The following TPD52L1 variants were observed in gnomAD, a reference collection of about 807,000 sequenced individuals.
TPD52L1 encodes TPD52 like 1, also known as tumor protein D53.
A neutral mutation model predicts 28.7 loss-of-function variants in TPD52L1; 18 were observed. The ratio of observed to expected loss-of-function variants is 0.63; its 90% CI spans 0.43 to 0.93. The LOEUF is 0.93. Among genes scored for constraint, TPD52L1 ranks in the 40% least tolerant of loss-of-function variants. The pLI, the probability that TPD52L1 is intolerant of heterozygous loss-of-function variation, is 0.00. For synonymous variants in TPD52L1, 75 were observed against 88.8 expected, an observed-to-expected ratio of 0.84 and a Z score of 0.88; for missense variants, 203 against 254.8, an observed-to-expected ratio of 0.80 and a Z score of 1.39.
chr6:125,172,537 T>TATATATAATATATATATATATA lies in TPD52L1; in HGVS notation c.19+18574_19+18575insATATATATATATATAATATATA, dbSNP rs1562214480. On this transcript the variant is annotated intron_variant, in intron 1 of 6. Transcript: ENST00000534000. ...CTATATATATATATATATATATATA[T>TATATATAATATATATATATATA]ATATATATATATATAATATATATAC... is the stretch of plus-strand genomic sequence containing the variant. Among the ~76,000 whole-genome samples, 116 of 88,864 alleles carry TATATATAATATATATATATATA rather than the reference T, an allele frequency of 1.3e-3. 7 individuals are homozygous for TATATATAATATATATATATATA. The highest frequency in any genetic ancestry group is 5.2e-3 in the African/African-American group (104 of 19,946). 58.3% of individuals were successfully genotyped at this position (88,864 alleles called of 152,430 possible). A position where few individuals can be genotyped will look rare whatever the true frequency, so the allele number is the denominator to read the frequency against.
chr6:125,221,086 A>C (rs918218199), intron 2 of TPD52L1, among the ~76,000 whole-genome samples: 1 of 152,048 alleles, frequency 6.6e-6, no homozygotes, highest in Non-Finnish European at 1.5e-5. Flanking sequence ...TCCACTCTGA[A>C]CTCTGAGTTC....
At chr6:125,178,484 G>A (rs1234952778) in intron 1 of TPD52L1, among the ~76,000 whole-genome samples, 4 of 152,102 alleles carry the variant, frequency 2.6e-5, no homozygotes, top group Admixed American at 1.3e-4. Flanking sequence ...AGCCAGGCGT[G>A]GTGGCACATG....
At chr6:125,205,172 A>G (rs1794038989) in intron 1 of TPD52L1, among the ~76,000 whole-genome samples, 1 of 152,210 alleles carries the variant, frequency 6.6e-6, no homozygotes. Flanking sequence ...GCTAATCACC[A>G]TTGTGTAAAC....
chr6:125,260,665 C>T (rs563457409), intron 6 of TPD52L1, among the ~76,000 whole-genome samples: 30 of 151,696 alleles, frequency 2.0e-4, no homozygotes, highest in Middle Eastern at 3.4e-3. Context: ...ATTTGCTGGG[C>T]ATAATGGTGG....
chr6:125,194,367 G>A (rs962064064), intron 1 of TPD52L1, among the ~76,000 whole-genome samples: 3 of 151,948 alleles, frequency 2.0e-5, no homozygotes, highest in African/African-American at 2.4e-5. Flanking sequence ...GAAATACATC[G>A]CAGCACCAAG....
intron 1 of TPD52L1, among the ~76,000 whole-genome samples, chr6:125,189,257 T>G (rs555633692): frequency 6.6e-6 from 1 of 152,350 alleles, no homozygotes; most frequent in South Asian, 2.1e-4. Flanking sequence ...GTTGGGCATA[T>G]TGACTACTTA....
chr6:125,175,911 A>AT (rs540651025), intron 1 of TPD52L1, among the ~76,000 whole-genome samples: 177 of 139,054 alleles, frequency 1.3e-3, no homozygotes, highest in African/African-American at 4.7e-3. Context: ...CTTACAGACT[A>AT]TCAGCATGAG....
chr6:125,231,883 A>G (rs1795974712), intron 3 of TPD52L1, among the ~76,000 whole-genome samples: 2 of 152,176 alleles, frequency 1.3e-5, no homozygotes, highest in African/African-American at 4.8e-5. Flanking sequence ...TGCCGATCCC[A>G]TAGGTAGTGA....
At position 125,264,404 on chromosome 6, in the gene TPD52L1, CA is replaced by C. The variant is rs1360278256; in HGVS notation, c.*1445del. 5 of 152,168 alleles carry C rather than the reference CA, an allele frequency of 3.3e-5. No individual in the cohort carries two copies. Among genetic ancestry groups the C allele is most frequent in the Non-Finnish European group, 7.3e-5 (5 of 68,036 alleles). The allele number at this position is 152,168 out of a possible 1,614,324, so 9.4% of individuals were successfully genotyped here. On this transcript the variant is annotated 3_prime_UTR_variant, in exon 7 of 7. Transcript: ENST00000534000. ...TAAAGCACATCTGAAAAATTCTACT[CA>C]AATTAATGGAGCATGACAATCTGTG...
chr6:125,260,956 GAAAGAAAGAAAGAAAGAAAGAAAAGAA>G (rs1797919153), intron 6 of TPD52L1: 1 of 42,752 alleles, frequency 2.3e-5, no homozygotes, highest in African/African-American at 2.3e-4. Flanking sequence ...AAGAAAGAAA[GAAAGAAAGAAAGAAAGAAAGAAAAGAA>G]AAGAAAGAAA....
At chr6:125,214,004 G>A (rs1429456577) in intron 1 of TPD52L1, among the ~76,000 whole-genome samples, 4 of 152,144 alleles carry the variant, frequency 2.6e-5, no homozygotes, top group African/African-American at 9.7e-5. Context: ...CAGTCCTTAG[G>A]CCAGAGGAGA....
intron 4 of TPD52L1, among the ~76,000 whole-genome samples, chr6:125,251,221 C>G (rs1011354913): frequency 1.3e-5 from 2 of 151,946 alleles, no homozygotes; most frequent in Non-Finnish European, 2.9e-5. Context: ...GGTCACAGAC[C>G]TTTTATTTTA....
chr6:125,203,731 C>T (rs1483306411), intron 1 of TPD52L1: 21 of 985,244 alleles, frequency 2.1e-5, no homozygotes, highest in Non-Finnish European at 2.5e-5. Context: ...CCAGTTGGCT[C>T]CCCTGGAGTG....
At chr6:125,239,331 C>G (rs867742809) in intron 3 of TPD52L1, among the ~76,000 whole-genome samples, 10 of 152,012 alleles carry the variant, frequency 6.6e-5, no homozygotes, top group Admixed American at 6.6e-4. Flanking sequence ...TAAAGACATA[C>G]CCAAGATTGG....
At chr6:125,155,033 C>T (rs1188369019) in intron 1 of TPD52L1, among the ~76,000 whole-genome samples, 1 of 152,192 alleles carries the variant, frequency 6.6e-6, no homozygotes, top group African/African-American at 2.4e-5. Context: ...CTGGAGTCGC[C>T]CAACAGGTTT....
chr6:125,178,198 T>C (rs757501814), intron 1 of TPD52L1, among the ~76,000 whole-genome samples: 32 of 152,218 alleles, frequency 2.1e-4, no homozygotes, highest in Non-Finnish European at 4.1e-4. Context: ...CATTCAATAA[T>C]TATCTAAAAT....
chr6:125,167,767 T>G (rs1026293129), intron 1 of TPD52L1, among the ~76,000 whole-genome samples: 1 of 152,144 alleles, frequency 6.6e-6, no homozygotes, highest in Middle Eastern at 3.4e-3. Flanking sequence ...GGTCCTCCTT[T>G]ACAGAAGTCA....
intron 1 of TPD52L1, among the ~76,000 whole-genome samples, chr6:125,158,281 G>T (rs1294525315): frequency 6.6e-6 from 1 of 152,122 alleles, no homozygotes; most frequent in East Asian, 1.9e-4. Flanking sequence ...AAGAGTCTCA[G>T]ATGTCCATGA....
chr6:125,216,653 T>A (rs911971738), intron 1 of TPD52L1, among the ~76,000 whole-genome samples: 1 of 150,712 alleles, frequency 6.6e-6, no homozygotes, highest in Non-Finnish European at 1.5e-5. Context: ...ATATGATTAA[T>A]GTTGATTTTA....
Sources: allele counts gnomAD v4.1 joint callset (sites outside exome capture counted in the v4.1 genomes callset), GRCh38; gene constraint gnomAD v4.1.1; transcripts MANE v1.5; gene names NCBI Gene and HGNC (gene_info 2026-07-23, HGNC 2026-07-21).